CAPN5: variants seen among roughly 807,000 people sequenced by gnomAD.
CAPN5 encodes calpain-5.
In CAPN5, 54 loss-of-function variants were observed where a neutral mutation model predicts 73.0. The observed-to-expected ratio is 0.74, with a 90% CI of 0.59 to 0.93. The LOEUF is 0.93. CAPN5 is among the 40% of genes least tolerant of loss of function. The probability of loss-of-function intolerance (pLI) is 0.00; values close to 1 mark genes in which losing one functional copy is unlikely to be tolerated. For missense variants in CAPN5, 785 were observed against 882.9 expected, an observed-to-expected ratio of 0.89 and a Z score of 1.41; for synonymous variants, 335 against 356.9, an observed-to-expected ratio of 0.94 and a Z score of 0.69.
At chr11:77,089,029 A>C (rs1950121748) in intron 2 of CAPN5, among the ~76,000 whole-genome samples, 1 of 152,134 alleles carries the variant, frequency 6.6e-6, no homozygotes, top group African/African-American at 2.4e-5. Flanking sequence ...CCTCCCTCCC[A>C]GGGACCTGTC....
In CAPN5 at chr11:77,101,858, A is replaced by G. The variant is rs1950288398; in HGVS notation, c.297+8045A>G. On this transcript the variant is annotated intron_variant, in intron 3 of 12. Coordinates refer to ENST00000648180, the MANE Select transcript of CAPN5 (RefSeq NM_004055.5). ...CGCCCCGGGCCCTGGGGATATAAAC[A>G]TTTGCCAGATTCTTCCTCGGCCCCT... 3.3e-5 allele frequency among the ~76,000 whole-genome samples: 5 copies of G among 152,230 alleles called. No individual in the cohort carries two copies. In the South Asian group the frequency reaches 1.0e-3, roughly 32 times the overall value.
chr11:77,069,186 T>G (rs1244617004), intron 1 of CAPN5, among the ~76,000 whole-genome samples: 2 of 152,168 alleles, frequency 1.3e-5, no homozygotes, highest in African/African-American at 4.8e-5. Context: ...CCCTTTTCTG[T>G]CTCAGTTTTC....
intron 10 of CAPN5, among the ~76,000 whole-genome samples, 200 bp from the exon 11 acceptor site, chr11:77,121,734 C>T (rs991923973): frequency 1.2e-4 from 18 of 152,192 alleles, no homozygotes; most frequent in African/African-American, 4.1e-4. Context: ...GATGGGGTAC[C>T]CTTGATAGGG....
rs1188062475 is a variant in CAPN5, at chr11:77,118,935, C to A, written c.1168-95C>A. On this transcript the variant is annotated intron_variant, in intron 8 of 12. Transcript: ENST00000648180. ...GGCGCAGAGAGGTGCTGTGACTGGT[C>A]CAGGCTCTGGAGTCTGAGCTTCCGG... 1.7e-5 allele frequency: 24 copies of A among 1,402,598 alleles called. No individual in the cohort carries two copies. In the African/African-American group the frequency reaches 2.4e-4, roughly 14 times the overall value. The allele number at this position is 1,402,598 out of a possible 1,614,324, so 86.9% of individuals were successfully genotyped here.
intron 7 of CAPN5, 62 bp from the exon 8 acceptor site, chr11:77,118,095 G>A: frequency 6.8e-7 from 1 of 1,480,302 alleles, no homozygotes. Context: ...TGTTGGGCTG[G>A]GGGGCCAAGA....
chr11:77,084,860 C>G lies in CAPN5; in HGVS notation c.-27C>G. Reference sequence around the variant, plus strand: ...CTTGCCTTCCTGTCCAGGTGTTCCCCCTCCCCTCCCTGGGGCAGCAGCCAC... The same window carrying G: ...CTTGCCTTCCTGTCCAGGTGTTCCCGCTCCCCTCCCTGGGGCAGCAGCCAC... On this transcript the variant is annotated 5_prime_UTR_variant, in exon 2 of 13. Transcript: ENST00000648180. 6.2e-7 allele frequency: 1 copy of G among 1,613,614 alleles called. No individual in the cohort carries two copies. Among genetic ancestry groups the G allele is most frequent in the South Asian group, 1.1e-5 (1 of 91,056 alleles).
intron 1 of CAPN5, chr11:77,072,996 C>A: frequency 1.1e-6 from 1 of 940,976 alleles, no homozygotes; most frequent in Non-Finnish European, 1.5e-6. Context: ...GTTAGGTTGT[C>A]TCTCCGGTGG....
At chr11:77,067,493 C>A (rs2135399505) in intron 1 of CAPN5, among the ~76,000 whole-genome samples, 1 of 152,186 alleles carries the variant, frequency 6.6e-6, no homozygotes, top group East Asian at 1.9e-4. Context: ...TGCAATCCAC[C>A]AACCCCTTCT....
chr11:77,080,106 T>C (rs1191452683), intron 1 of CAPN5, among the ~76,000 whole-genome samples: 1 of 152,182 alleles, frequency 6.6e-6, no homozygotes, highest in African/African-American at 2.4e-5. Context: ...ATTGAAAAGA[T>C]AAATCCTTTC....
chr11:77,088,017 G>A, intron 2 of CAPN5: 1 of 1,535,998 alleles, frequency 6.5e-7, no homozygotes, highest in Non-Finnish European at 8.7e-7. Context: ...CCCCAGGCCT[G>A]GGAGCTCAGG....
chr11:77,123,644 T>G, intron 12 of CAPN5, 44 bp from the exon 13 acceptor site: 1 of 1,539,440 alleles, frequency 6.5e-7, no homozygotes, highest in African/African-American at 1.4e-5. Flanking sequence ...ATTGCTGGTC[T>G]TGGAGGTAGC....
At chr11:77,084,733 G>A in intron 1 of CAPN5, 119 bp from the exon 2 acceptor site, 1 of 829,692 alleles carries the variant, frequency 1.2e-6, no homozygotes, top group South Asian at 1.6e-5. Flanking sequence ...CCTTGGGTAG[G>A]CTCCACGCCT....
intron 3 of CAPN5, among the ~76,000 whole-genome samples, chr11:77,102,455 A>C (rs1395517421): frequency 2.0e-5 from 3 of 152,080 alleles, no homozygotes; most frequent in African/African-American, 7.2e-5. Flanking sequence ...AGTGGTCCCC[A>C]CCACCCTCCC....
chr11:77,081,259 C>T (rs920764620), intron 1 of CAPN5, among the ~76,000 whole-genome samples: 9 of 152,218 alleles, frequency 5.9e-5, no homozygotes, highest in Non-Finnish European at 1.2e-4. Flanking sequence ...GTCTTTCATA[C>T]CTCTGAGCCT....
chr11:77,079,144 T>A (rs1950003350), intron 1 of CAPN5, among the ~76,000 whole-genome samples: 2 of 148,078 alleles, frequency 1.4e-5, no homozygotes. Flanking sequence ...TTTTGAATTA[T>A]TTGCCTTATT....
At position 77,071,537 on chromosome 11, in the gene CAPN5, C is replaced by A. The variant is rs1394592808; in HGVS notation, c.-36+4443C>A. 10 of 419,398 alleles carry A rather than the reference C, an allele frequency of 2.4e-5. No individual in the cohort carries two copies. In the Admixed American group the frequency reaches 2.4e-4, roughly 10 times the overall value. The allele number at this position is 419,398 out of a possible 1,614,324, so 26.0% of individuals were successfully genotyped here. A position where few individuals can be genotyped will look rare whatever the true frequency, so the allele number is the denominator to read the frequency against. ...TGAGAATACCAAGGCCTATTACGGC[C>A]AAGTCCTGTCTGGTATGTGGGGTCA... On this transcript the variant is annotated intron_variant, in intron 1 of 12. Coordinates refer to ENST00000648180, the MANE Select transcript of CAPN5 (RefSeq NM_004055.5).
chr11:77,120,704 C>T lies in CAPN5; in HGVS notation c.1291-9C>T. ...CTCCGCGTGGCCCAGCCCCTCCCGC[C>T]TCCTGCAGGTGGAGGAGAACCGCCA... On this transcript the variant is annotated splice_polypyrimidine_tract_variant and intron_variant, in intron 9 of 12. Transcript: ENST00000648180. 2.5e-6 allele frequency: 4 copies of T among 1,596,312 alleles called. No individual in the cohort carries two copies. Among genetic ancestry groups the T allele is most frequent in the Non-Finnish European group, 3.4e-6 (4 of 1,169,716 alleles).
rs781939714 is a variant in CAPN5 at position 77,085,080 on chromosome 11, G to A, written c.165+29G>A. On this transcript the variant is annotated intron_variant, in intron 2 of 12. Coordinates refer to ENST00000648180, the MANE Select transcript of CAPN5 (RefSeq NM_004055.5). ...AGTGTCTGGTCCCAGCTGGAGCTGG[G>A]TGAGCGGGCCCAGGCCCACCCACAA... 5 of 1,605,838 alleles carry A rather than the reference G, an allele frequency of 3.1e-6. No individual in the cohort carries two copies. In the African/African-American group the frequency reaches 5.3e-5, roughly 17 times the overall value.
intron 3 of CAPN5, among the ~76,000 whole-genome samples, chr11:77,103,932 G>A (rs1490779964): frequency 6.6e-6 from 1 of 152,222 alleles, no homozygotes; most frequent in Non-Finnish European, 1.5e-5. Context: ...TGGAGGCTGT[G>A]TAGGCCCAGC....
Sources: gnomAD v4.1 joint callset for allele counts (sites outside exome capture counted in the v4.1 genomes callset) on GRCh38, gnomAD v4.1.1 for gene constraint, MANE v1.5 for transcripts, NCBI Gene and HGNC (gene_info 2026-07-23, HGNC 2026-07-21) for gene names.